The following PER3 variants were observed in gnomAD, a reference collection of about 807,000 sequenced individuals.
The protein encoded by PER3 is period circadian protein homolog 3.
PER3 carries 107 observed loss-of-function variants against 127.2 expected under a neutral mutation model. That is an observed-to-expected ratio of 0.84 (90% confidence interval 0.72 to 0.99). PER3 has a LOEUF of 0.99. PER3 is among the 50% of genes least tolerant of loss of function. The pLI is 0.00. For synonymous variants in PER3, 618 were observed against 585.8 expected, an observed-to-expected ratio of 1.05 and a Z score of -0.79; for missense variants, 1,560 against 1,525.8, an observed-to-expected ratio of 1.02 and a Z score of -0.37.
rs1490772034 is a variant in PER3, at chr1:7,815,815, C to A, written c.1523-3470C>A. ...CCTGGCTAACACGGTGAAACTCTGTCTCGACTAAAAATACAAAAAAAAAAA... is the reference window on the plus strand; with the variant it reads ...CCTGGCTAACACGGTGAAACTCTGTATCGACTAAAAATACAAAAAAAAAAA... On this transcript the variant is annotated intron_variant, in intron 13 of 21. Coordinates refer to ENST00000377532, the MANE Select transcript of PER3 (RefSeq NM_001377275.1). Among the ~76,000 whole-genome samples, 3 of 148,818 alleles carry A rather than the reference C, an allele frequency of 2.0e-5. No individual in the cohort carries two copies. In the Admixed American group the frequency reaches 2.0e-4, roughly 10 times the overall value.
intron 19 of PER3, among the ~76,000 whole-genome samples, chr1:7,834,285 G>A (rs1054262776): frequency 3.3e-5 from 5 of 152,068 alleles, no homozygotes; most frequent in Admixed American, 1.3e-4. Context: ...TATGCCTATT[G>A]TATCACTTTA....
Position 7,826,243 on chromosome 1 carries a change from G to T in PER3, c.1958-237G>T, listed in dbSNP as rs755459487. On this transcript the variant is annotated intron_variant, in intron 16 of 21. Transcript: ENST00000377532. The surrounding 1 kb of genome is among the most constrained non-coding windows in gnomAD (Gnocchi z 4.2). ...AGAAAAATGTTTACAATAAAAGCAA[G>T]ATTTAAATAAATGTGTGCATATTGA... Among the ~76,000 whole-genome samples the T allele has an allele frequency of 2.6e-5, 4 of 152,136 alleles. No homozygotes were observed. The highest frequency in any genetic ancestry group is 5.9e-5 in the Non-Finnish European group (4 of 68,016).
chr1:7,809,929 C>G lies in PER3; in HGVS notation c.1279C>G (p.Leu427Val). ...HVSVSSGYGS[L>V]GSSGSQEQLV... ...GAGCGTGTCCAGCGGCTACGGGAGC[C>G]TGGGGAGCAGCGGGTCGCAGGAGCA... Residue 427 changes from leucine (L) to valine (V), a missense_variant, in exon 12 of 22, where the codon CTG (leucine) becomes GTG (valine). Around this residue, in one of 3 missense-constraint regions of PER3, gnomAD observed 1,332 missense variants for 1,223.6 expected, o/e 1.09. Coordinates refer to ENST00000377532, the MANE Select transcript of PER3 (RefSeq NM_001377275.1). 1 of 1,614,120 alleles carries G rather than the reference C, an allele frequency of 6.2e-7. No homozygotes were observed. The highest frequency in any genetic ancestry group is 1.1e-5 in the South Asian group (1 of 91,072).
At chr1:7,830,296 C>A in intron 19 of PER3, 135 bp downstream of exon 19, 1 of 732,828 alleles carries the variant, frequency 1.4e-6, no homozygotes, top group South Asian at 1.9e-5. Flanking sequence ...TCCTTTTTGT[C>A]AGGTATATTG....
rs1167199620 is a variant in PER3 at position 7,844,867 on chromosome 1, T to G, written c.*2112T>G. 1 of 152,370 alleles carries G rather than the reference T, an allele frequency of 6.6e-6. No homozygotes were observed. The highest frequency in any genetic ancestry group is 2.4e-5 in the African/African-American group (1 of 41,476). 9.4% of individuals were successfully genotyped at this position (152,370 alleles called of 1,614,324 possible). ...TAAATTTGTTAACTTTTTATATTAATGACTATTGAAAGTGGTAATAAAAAT... is the reference window on the plus strand; with the variant it reads ...TAAATTTGTTAACTTTTTATATTAAGGACTATTGAAAGTGGTAATAAAAAT... On this transcript the variant is annotated 3_prime_UTR_variant, in exon 22 of 22. Coordinates refer to ENST00000377532, the MANE Select transcript of PER3 (RefSeq NM_001377275.1).
intron 6 of PER3, among the ~76,000 whole-genome samples, chr1:7,794,482 ACT>A (rs914291727): frequency 2.0e-5 from 3 of 152,020 alleles, no homozygotes; most frequent in African/African-American, 7.3e-5. Context: ...ACAGAGCGAG[ACT>A]CTGTCTCAAA....
intron 6 of PER3, among the ~76,000 whole-genome samples, 191 bp from the exon 7 acceptor site, chr1:7,798,334 C>T (rs2097154967): frequency 6.6e-6 from 1 of 152,224 alleles, no homozygotes; most frequent in Admixed American, 6.5e-5. Flanking sequence ...TTTACACAAC[C>T]TCTTACTCGT....
chr1:7,830,753 G>A (rs868127191), intron 19 of PER3, among the ~76,000 whole-genome samples: 5 of 152,144 alleles, frequency 3.3e-5, no homozygotes, highest in Non-Finnish European at 4.4e-5. Context: ...TTAAATTGCC[G>A]TGATGCCTTT....
intron 5 of PER3, among the ~76,000 whole-genome samples, chr1:7,790,438 C>T (rs1385937263): frequency 6.6e-6 from 1 of 152,140 alleles, no homozygotes; most frequent in Non-Finnish European, 1.5e-5. Flanking sequence ...GGGGAAACTG[C>T]CCCCATGATT....
intron 3 of PER3, among the ~76,000 whole-genome samples, chr1:7,786,445 C>T (rs1460132203): frequency 6.6e-6 from 1 of 151,926 alleles, no homozygotes; most frequent in Non-Finnish European, 1.5e-5. Flanking sequence ...TTCTGCTCCC[C>T]CCGCAAAAAA....
At chr1:7,795,485 G>A (rs894583729) in intron 6 of PER3, among the ~76,000 whole-genome samples, 4 of 152,156 alleles carry the variant, frequency 2.6e-5, no homozygotes, top group Admixed American at 6.5e-5. Flanking sequence ...TGGAAACAGC[G>A]ACCAGAAGGA....
At chr1:7,797,862 G>A (rs926143075) in intron 6 of PER3, among the ~76,000 whole-genome samples, 1 of 152,196 alleles carries the variant, frequency 6.6e-6, no homozygotes, top group African/African-American at 2.4e-5. Context: ...GGCAGCTGCA[G>A]TGGTAACACC....
chr1:7,820,291 T>C, intron 15 of PER3, 52 bp downstream of exon 15: 1 of 1,564,534 alleles, frequency 6.4e-7, no homozygotes, highest in Non-Finnish European at 8.7e-7. Context: ...AATACATCCT[T>C]CTTGTTTCTC....
At chr1:7,819,102 C>T (rs2097264504) in intron 13 of PER3, among the ~76,000 whole-genome samples, 183 bp from the exon 14 acceptor site, 1 of 152,180 alleles carries the variant, frequency 6.6e-6, no homozygotes, top group Admixed American at 6.5e-5. Context: ...TTATTTTATT[C>T]ATTACGTGTT....
At chr1:7,797,159 CATTCGTGG>C (rs1373562881) in intron 6 of PER3, among the ~76,000 whole-genome samples, 1 of 152,018 alleles carries the variant, frequency 6.6e-6, no homozygotes, top group Non-Finnish European at 1.5e-5. Flanking sequence ...CTGGAAAATG[CATTCGTGG>C]ATGTGGAGGG....
Position 7,791,860 on chromosome 1 carries a change from G to C in PER3, c.593-2097G>C, listed in dbSNP as rs185395677. Among the ~76,000 whole-genome samples the C allele has an allele frequency of 3.9e-4, 60 of 152,176 alleles. 1 individual carries two copies. The East Asian group carries it at 7.5e-3, about 19-fold the overall frequency. Reference sequence around the variant, plus strand: ...CCCAACAAGTTCCTCATCTCTCTCTGAGACCACCTCAGCCTGCACTTCATT... The same window carrying C: ...CCCAACAAGTTCCTCATCTCTCTCTCAGACCACCTCAGCCTGCACTTCATT... On this transcript the variant is annotated intron_variant, in intron 5 of 21. Transcript: ENST00000377532.
rs767862865 is a variant in PER3, at chr1:7,784,970, C to A, written c.93C>A (p.Phe31Leu). ...CGGGGGAGCGGTGGAGCCCCGAGTT[C>A]CATCTGCAGAGGAAATTGGCGGACA... is the stretch of plus-strand genomic sequence containing the variant. ...EESGERWSPE[F>L]HLQRKLADSS... The change falls in exon 2 of 22, where the codon TTC becomes TTA. Residue 31 changes from phenylalanine to leucine, a missense_variant. Physicochemically the swap from Phe to Leu is conservative, Grantham distance 22. This residue lies in a region of PER3 where 1,332 missense variants were observed against 1,223.6 expected (regional missense o/e 1.09). Transcript: ENST00000377532. 13 of 1,558,290 alleles carry A rather than the reference C, an allele frequency of 8.3e-6. No individual in the cohort carries two copies. The highest frequency in any genetic ancestry group is 7.8e-6 in the Non-Finnish European group (9 of 1,160,852).
Position 7,801,097 on chromosome 1 carries a change from G to GTTTTTTTTT in PER3, c.794-15_794-7dup. On this transcript the variant is annotated splice_polypyrimidine_tract_variant and intron_variant, in intron 7 of 21. Transcript: ENST00000377532. ...GATATTTGCCTTTAAATGGGTCTTT[G>GTTTTTTTTT]TTTTTTTTTCCTTAGCTCCTCGGAT... 2 of 1,276,948 alleles carry GTTTTTTTTT rather than the reference G, an allele frequency of 1.6e-6. No individual in the cohort carries two copies. Among genetic ancestry groups the GTTTTTTTTT allele is most frequent in the Admixed American group, 2.0e-5 (1 of 51,198 alleles). 79.1% of individuals were successfully genotyped at this position (1,276,948 alleles called of 1,614,324 possible).
intron 6 of PER3, among the ~76,000 whole-genome samples, chr1:7,795,466 A>C (rs563382746): frequency 6.6e-6 from 1 of 152,278 alleles, no homozygotes; most frequent in African/African-American, 2.4e-5. Flanking sequence ...AACTCTTAGG[A>C]AGTCTAATTG....
Sources: allele counts gnomAD v4.1 joint callset (sites outside exome capture counted in the v4.1 genomes callset), GRCh38; gene constraint gnomAD v4.1.1; regional missense constraint gnomAD v4.1.1; non-coding constraint Gnocchi (gnomAD v3.1); transcripts MANE v1.5; gene names NCBI Gene and HGNC (gene_info 2026-07-23, HGNC 2026-07-21).